CFAP61: variants seen among roughly 807,000 people sequenced by gnomAD.
CFAP61 encodes cilia and flagella associated protein 61, also known as cilia- and flagella-associated protein 61.
A neutral mutation model predicts 135.6 loss-of-function variants in CFAP61; 107 were observed. That is an observed-to-expected ratio of 0.79 (90% CI 0.67 to 0.93). CFAP61 has a LOEUF of 0.93. Ranked by LOEUF, CFAP61 falls within the 40% of genes least tolerant of loss-of-function variation. The probability of loss-of-function intolerance (pLI) is 0.00; values close to 1 mark genes in which losing one functional copy is unlikely to be tolerated. For missense variants in CFAP61, 1,507 were observed against 1,556.2 expected (o/e 0.97, Z 0.53); for synonymous variants, 575 against 578.5 (o/e 0.99, Z 0.09).
Position 20,134,359 on chromosome 20 carries a change from T to C in CFAP61, c.860-8498T>C, listed in dbSNP as rs575556203. ...TTATTGGGGGAAAGTACAAGTTCAG[T>C]GTTGCTGGAGCATCAGGTGAGGGAG... On this transcript the variant is annotated intron_variant, in intron 8 of 26. Coordinates refer to ENST00000245957, the MANE Select transcript of CFAP61 (RefSeq NM_015585.4). Among the ~76,000 whole-genome samples, 13 of 152,306 alleles carry C rather than the reference T, an allele frequency of 8.5e-5. No individual in the cohort carries two copies. In the South Asian group the frequency reaches 1.0e-3, roughly 12 times the overall value.
chr20:20,142,001 G>A (rs1003596779), intron 8 of CFAP61, among the ~76,000 whole-genome samples: 2 of 152,168 alleles, frequency 1.3e-5, no homozygotes, highest in African/African-American at 2.4e-5. Flanking sequence ...GAGAGCAGAT[G>A]TCATGGCTGA....
chr20:20,357,081 A>G (rs868410394), intron 26 of CFAP61, among the ~76,000 whole-genome samples: 186 of 51,462 alleles, frequency 3.6e-3, no homozygotes, highest in East Asian at 4.6e-3. Flanking sequence ...CACTGAGAGG[A>G]GGTGGTCACA....
At chr20:20,071,052 G>A in intron 3 of CFAP61, 48 bp downstream of exon 3, 1 of 1,579,222 alleles carries the variant, frequency 6.3e-7, no homozygotes, top group South Asian at 1.1e-5. Flanking sequence ...AATCTTGAGG[G>A]GAAGTCCTGT....
At chr20:20,212,194 C>T (rs2146918070) in intron 17 of CFAP61, among the ~76,000 whole-genome samples, 1 of 152,270 alleles carries the variant, frequency 6.6e-6, no homozygotes, top group East Asian at 1.9e-4. Flanking sequence ...CCACCCCATT[C>T]AAGAGCGGAA....
At chr20:20,212,994 A>G (rs925707501) in intron 17 of CFAP61, among the ~76,000 whole-genome samples, 4 of 151,630 alleles carry the variant, frequency 2.6e-5, no homozygotes, top group African/African-American at 9.7e-5. Context: ...TCAGGAGGAG[A>G]GCCCGGGAGG....
intron 25 of CFAP61, among the ~76,000 whole-genome samples, chr20:20,315,079 A>G (rs1344967455): frequency 7.1e-6 from 1 of 141,188 alleles, no homozygotes; most frequent in African/African-American, 2.7e-5. Context: ...GTCAAATGGT[A>G]TTTCTAGTTC....
chr20:20,356,447 C>T (rs150302387), intron 26 of CFAP61, among the ~76,000 whole-genome samples: 1,516 of 12,684 alleles, frequency 0.12, no homozygotes, highest in African/African-American at 0.15. Flanking sequence ...GAGGTGGTCA[C>T]AGTGTGAGGG....
At chr20:20,108,763 CAA>C (rs1417605847) in intron 8 of CFAP61, among the ~76,000 whole-genome samples, 2 of 87,374 alleles carry the variant, frequency 2.3e-5, no homozygotes, top group Non-Finnish European at 4.8e-5. Context: ...CGTAAGTTGC[CAA>C]CATGAAGTTG....
intron 21 of CFAP61, among the ~76,000 whole-genome samples, chr20:20,275,852 A>G (rs2053717076): frequency 6.6e-6 from 1 of 152,236 alleles, no homozygotes; most frequent in African/African-American, 2.4e-5. Context: ...GGGAGCCTCA[A>G]TAATTTAAGC....
Position 20,263,096 on chromosome 20 carries a change from G to C in CFAP61, c.2469G>C (p.Leu823=), listed in dbSNP as rs2052400153. 6.2e-7 allele frequency: 1 copy of C among 1,613,870 alleles called. No homozygotes were observed. Among genetic ancestry groups the C allele is most frequent in the Non-Finnish European group, 8.5e-7 (1 of 1,179,920 alleles). The change falls in exon 21 of 27, where the codon CTG becomes CTC. Residue 823 remains leucine, a synonymous_variant. Transcript: ENST00000245957. Reference sequence around the variant, plus strand: ...AGGAAGAGGATTGCTTTAAGGCACTGATTTGGATAAGGAATAACTCCATCA... The same window carrying C: ...AGGAAGAGGATTGCTTTAAGGCACTCATTTGGATAAGGAATAACTCCATCA... ...LNEEEDCFKA[L]IWIRNNSITT...
intron 25 of CFAP61, among the ~76,000 whole-genome samples, chr20:20,320,401 G>A (rs368518430): frequency 0.028 from 321 of 11,474 alleles, 26 homozygotes; most frequent in African/African-American, 0.073. Flanking sequence ...TATAATATAT[G>A]TAATATATGT....
chr20:20,102,487 T>G (rs2048101268), intron 8 of CFAP61, among the ~76,000 whole-genome samples: 1 of 152,174 alleles, frequency 6.6e-6, no homozygotes, highest in Non-Finnish European at 1.5e-5. Flanking sequence ...TGTGTTGTTG[T>G]TTTTTAACTT....
chr20:20,309,575 G>A (rs757834026), intron 25 of CFAP61, among the ~76,000 whole-genome samples: 1 of 152,164 alleles, frequency 6.6e-6, no homozygotes, highest in Non-Finnish European at 1.5e-5. Context: ...CAGAACCAGA[G>A]TTTCCTGACT....
intron 8 of CFAP61, among the ~76,000 whole-genome samples, chr20:20,112,969 G>T: frequency 6.6e-6 from 1 of 152,076 alleles, no homozygotes; most frequent in Non-Finnish European, 1.5e-5. Context: ...TGTGATTATT[G>T]TGTGTGCTTG....
At chr20:20,242,747 T>C (rs2050109313) in intron 18 of CFAP61, among the ~76,000 whole-genome samples, 1 of 152,258 alleles carries the variant, frequency 6.6e-6, no homozygotes, top group Non-Finnish European at 1.5e-5. Context: ...AAAGCAGTTT[T>C]GCTCTTAAAA....
At chr20:20,198,603 G>A (rs759090621) in intron 16 of CFAP61, among the ~76,000 whole-genome samples, 1 of 152,160 alleles carries the variant, frequency 6.6e-6, no homozygotes, top group Admixed American at 6.5e-5. Flanking sequence ...ATCTCCAGTT[G>A]ACTACAGTAA....
chr20:20,166,867 C>T (rs564657947), intron 12 of CFAP61, among the ~76,000 whole-genome samples: 1 of 152,190 alleles, frequency 6.6e-6, no homozygotes, highest in African/African-American at 2.4e-5. Flanking sequence ...TTCCTCAGGC[C>T]TGACTTCATG....
intron 25 of CFAP61, among the ~76,000 whole-genome samples, chr20:20,304,133 C>T (rs1175183958): frequency 3.9e-5 from 6 of 152,120 alleles, no homozygotes; most frequent in Non-Finnish European, 4.4e-5. Context: ...ACAGCTGTCA[C>T]GGGACCACAG....
At chr20:20,165,311 C>T (rs1402731380) in intron 11 of CFAP61, among the ~76,000 whole-genome samples, 1 of 152,328 alleles carries the variant, frequency 6.6e-6, no homozygotes, top group African/African-American at 2.4e-5. Context: ...GCCCATGCCA[C>T]AAGGAGATGG....
Sources: allele counts gnomAD v4.1 joint callset (sites outside exome capture counted in the v4.1 genomes callset), GRCh38; gene constraint gnomAD v4.1.1; transcripts MANE v1.5; gene names NCBI Gene and HGNC (gene_info 2026-07-23, HGNC 2026-07-21).